Variants in MYT1L observed in about 807,000 individuals in gnomAD.
MYT1L encodes myelin transcription factor 1 like.
A neutral mutation model predicts 126.7 loss-of-function variants in MYT1L; 12 were observed. That is an observed-to-expected ratio of 0.09 (90% CI 0.06 to 0.15). The LOEUF (loss-of-function observed/expected upper bound fraction) is 0.15, where lower values mean the gene tolerates loss of function less well. Ranked by LOEUF, MYT1L falls within the 10% of genes least tolerant of loss-of-function variation. The pLI is 1.00. For synonymous variants in MYT1L, 541 were observed against 604.2 expected, an observed-to-expected ratio of 0.90 and a Z score of 1.53; for missense variants, 979 against 1,585.2, an observed-to-expected ratio of 0.62 and a Z score of 6.49.
intron 4 of MYT1L, among the ~76,000 whole-genome samples, chr2:1,999,174 T>TA (rs2062136619): frequency 6.6e-6 from 1 of 152,212 alleles, no homozygotes; most frequent in Non-Finnish European, 1.5e-5. Context: ...CAATAAATGA[T>TA]AGTAGGCAGT....
Position 1,948,588 on chromosome 2 carries a change from C to T in MYT1L, c.153-5254G>A, listed in dbSNP as rs1298612480. Among the ~76,000 whole-genome samples the T allele has an allele frequency of 2.0e-5, 3 of 152,178 alleles. No individual in the cohort carries two copies. The East Asian group carries it at 5.8e-4, about 29-fold the overall frequency. ...GTTTGGGGAGTGTGTATCCTCCTGCCCTCGTATTCTGTGAACAGCGTGTCT... is the reference window on the plus strand; with the variant it reads ...GTTTGGGGAGTGTGTATCCTCCTGCTCTCGTATTCTGTGAACAGCGTGTCT... On this transcript the variant is annotated intron_variant, in intron 8 of 24. Coordinates refer to ENST00000647738, the MANE Select transcript of MYT1L (RefSeq NM_001303052.2).
At chr2:2,052,748 T>C (rs1302323751) in intron 4 of MYT1L, among the ~76,000 whole-genome samples, 2 of 152,164 alleles carry the variant, frequency 1.3e-5, no homozygotes, top group Non-Finnish European at 2.9e-5. Context: ...AGGATATCTA[T>C]TATTTTTAAA....
At chr2:2,287,121 T>G (rs940173046) in intron 1 of MYT1L, among the ~76,000 whole-genome samples, 44 of 152,102 alleles carry the variant, frequency 2.9e-4, no homozygotes, top group African/African-American at 1.1e-3. Flanking sequence ...CCAGGCGTGG[T>G]GGTGCATGCC....
At chr2:2,201,712 A>C (rs1287197512) in intron 2 of MYT1L, among the ~76,000 whole-genome samples, 4 of 150,052 alleles carry the variant, frequency 2.7e-5, no homozygotes, top group Non-Finnish European at 5.9e-5. Context: ...AAAAAAAAAA[A>C]TCGTAAGTGT....
intron 3 of MYT1L, among the ~76,000 whole-genome samples, chr2:2,128,437 C>T (rs371655509): frequency 5.9e-5 from 9 of 152,266 alleles, no homozygotes; most frequent in African/African-American, 9.6e-5. Context: ...CAGGCATGAG[C>T]CACTACACCC....
chr2:2,033,939 G>A (rs1237039907), intron 4 of MYT1L, among the ~76,000 whole-genome samples: 1 of 152,128 alleles, frequency 6.6e-6, no homozygotes, highest in Non-Finnish European at 1.5e-5. Flanking sequence ...GAGAAGGGGT[G>A]CATTACAGAG....
intron 1 of MYT1L, among the ~76,000 whole-genome samples, chr2:2,296,089 A>T (rs1448344211): frequency 1.3e-5 from 2 of 152,192 alleles, no homozygotes; most frequent in Non-Finnish European, 2.9e-5. Flanking sequence ...AATATAGACA[A>T]TTTTATTCTA....
At position 2,100,106 on chromosome 2, in the gene MYT1L, T is replaced by C. The variant is rs546377436; in HGVS notation, c.-303-45983A>G. Among the ~76,000 whole-genome samples, 10 of 152,332 alleles carry C rather than the reference T, an allele frequency of 6.6e-5. No individual in the cohort carries two copies. In the South Asian group the frequency reaches 1.7e-3, roughly 25 times the overall value. On this transcript the variant is annotated intron_variant, in intron 3 of 24. Transcript: ENST00000647738. Reference sequence around the variant, plus strand: ...CAGGTATATTAAACTTAAGTCAACATTTAATCCAATCTTAGGTTCAATATG... The same window carrying C: ...CAGGTATATTAAACTTAAGTCAACACTTAATCCAATCTTAGGTTCAATATG...
At chr2:2,009,009 T>C (rs1156399321) in intron 4 of MYT1L, among the ~76,000 whole-genome samples, 1 of 152,210 alleles carries the variant, frequency 6.6e-6, no homozygotes, top group African/African-American at 2.4e-5. Flanking sequence ...TTCAATTTAT[T>C]TGGGGGCTCT....
chr2:2,197,916 CAT>C (rs1462253539), intron 2 of MYT1L, among the ~76,000 whole-genome samples: 4 of 150,534 alleles, frequency 2.7e-5, no homozygotes, highest in African/African-American at 7.3e-5. Flanking sequence ...ATGTATATAA[CAT>C]ACACACATAT....
chr2:2,123,237 T>G (rs556998155), intron 3 of MYT1L, among the ~76,000 whole-genome samples: 1 of 152,218 alleles, frequency 6.6e-6, no homozygotes, highest in Non-Finnish European at 1.5e-5. Flanking sequence ...TTCAGCATCT[T>G]AGAGCCTGTG....
intron 24 of MYT1L, 79 bp from the exon 25 acceptor site, chr2:1,792,086 A>G: frequency 7.9e-7 from 1 of 1,270,166 alleles, no homozygotes; most frequent in Non-Finnish European, 1.1e-6. Context: ...AAATAGTATC[A>G]TAGCATAGTG....
intron 21 of MYT1L, among the ~76,000 whole-genome samples, chr2:1,838,418 G>A (rs2041190975): frequency 6.6e-6 from 1 of 152,190 alleles, no homozygotes; most frequent in Admixed American, 6.5e-5. Context: ...TTCGTAGAAA[G>A]TGGCATATAG....
At position 1,922,602 on chromosome 2, in the gene MYT1L, C is replaced by G; in HGVS notation, c.1167G>C (p.Leu389Phe). The G allele has an allele frequency of 2.5e-6, 4 of 1,613,990 alleles. No homozygotes were observed. Among genetic ancestry groups the G allele is most frequent in the Non-Finnish European group, 3.4e-6 (4 of 1,179,892 alleles). ...MLNLMRLEEQ[L>F]SPRSRVFASC... ...TGGCAAACACTCTCGACCGGGGGCT[C>G]AACTGCTCCTCCAGCCGCATGAGGT... The change falls in exon 10 of 25, where the codon TTG (leucine) becomes TTC (phenylalanine). Residue 389 changes from leucine to phenylalanine, a missense_variant. This residue lies in a region of MYT1L where 243 missense variants were observed against 363.9 expected (regional missense o/e 0.67). Coordinates refer to ENST00000647738, the MANE Select transcript of MYT1L (RefSeq NM_001303052.2). The surrounding 1 kb of genome is among the most constrained non-coding windows in gnomAD (Gnocchi z 7.4).
chr2:2,243,028 A>AT (rs1007659623), intron 2 of MYT1L, among the ~76,000 whole-genome samples: 1 of 152,090 alleles, frequency 6.6e-6, no homozygotes, highest in African/African-American at 2.4e-5. Context: ...ATGGAATAGG[A>AT]GGATGGATGG....
chr2:2,063,478 A>C (rs2070805565), intron 3 of MYT1L, among the ~76,000 whole-genome samples: 1 of 152,196 alleles, frequency 6.6e-6, no homozygotes, highest in African/African-American at 2.4e-5. Flanking sequence ...GCTCCTGACT[A>C]GGGGTGCCTG....
intron 3 of MYT1L, among the ~76,000 whole-genome samples, chr2:2,156,429 G>C (rs1287533604): frequency 6.6e-6 from 1 of 152,242 alleles, no homozygotes; most frequent in Non-Finnish European, 1.5e-5. Flanking sequence ...GTAGCTGCCA[G>C]CTGTATCCTC....
At chr2:2,248,282 G>A (rs1049113446) in intron 2 of MYT1L, among the ~76,000 whole-genome samples, 5 of 151,990 alleles carry the variant, frequency 3.3e-5, no homozygotes, top group African/African-American at 1.2e-4. Flanking sequence ...AAATCTAGAA[G>A]AAGTTGATAA....
intron 2 of MYT1L, among the ~76,000 whole-genome samples, chr2:2,198,010 C>T (rs900197645): frequency 1.3e-5 from 2 of 151,434 alleles, no homozygotes; most frequent in African/African-American, 4.9e-5. Flanking sequence ...CACACATACA[C>T]AATGAATATG....
Sources: allele counts gnomAD v4.1 joint callset (sites outside exome capture counted in the v4.1 genomes callset), GRCh38; gene constraint gnomAD v4.1.1; regional missense constraint gnomAD v4.1.1; non-coding constraint Gnocchi (gnomAD v3.1); transcripts MANE v1.5; gene names NCBI Gene and HGNC (gene_info 2026-07-23, HGNC 2026-07-21).